The following COL6A1 variants were observed in gnomAD, a reference collection of about 807,000 sequenced individuals.
COL6A1 encodes collagen type VI alpha 1 chain.
COL6A1 carries 80 observed loss-of-function variants against 145.6 expected under a neutral mutation model. That is an observed-to-expected ratio of 0.55 (90% CI 0.46 to 0.66). The LOEUF (loss-of-function observed/expected upper bound fraction) is 0.66. COL6A1 is among the 30% of genes least tolerant of loss of function. The probability of loss-of-function intolerance (pLI) is 0.00; values close to 1 mark genes in which losing one functional copy is unlikely to be tolerated. For missense variants in COL6A1, 1,364 were observed against 1,473.8 expected, an observed-to-expected ratio of 0.93 and a Z score of 1.22; for synonymous variants, 638 against 622.8, an observed-to-expected ratio of 1.02 and a Z score of -0.36.
chr21:45,982,094 A>C, intron 1 of COL6A1, 147 bp downstream of exon 1: 1 of 722,818 alleles, frequency 1.4e-6, no homozygotes, highest in South Asian at 1.7e-5. Context: ...GGGCGGCTGC[A>C]GCGCCCAGCT....
chr21:45,999,327 A>T, intron 26 of COL6A1, 109 bp downstream of exon 26: 1 of 1,131,460 alleles, frequency 8.8e-7, no homozygotes, highest in Non-Finnish European at 1.3e-6. Context: ...GGCGGGAGGG[A>T]ATTTTGGGGA....
rs143502850 is a variant in COL6A1, at chr21:45,982,706, C to A, written c.170C>A (p.Ala57Asp). The A allele has an allele frequency of 1.6e-3, 2,519 of 1,612,824 alleles. 5 individuals are homozygous for A. Among genetic ancestry groups the A allele is most frequent in the Non-Finnish European group, 2.0e-3 (2,336 of 1,179,964 alleles). Reference protein sequence around the residue: ...SVALRLKPYGALVDKVKSFTK... With the variant: ...SVALRLKPYGDLVDKVKSFTK... ...GCCCTGAGGCTGAAGCCCTACGGGG[C>A]CCTCGTGGACAAAGTCAAGTCCTTC... The change falls in exon 2 of 35, where the codon GCC becomes GAC. Residue 57 changes from alanine to aspartate, a missense_variant. Ala to Asp is a moderately radical substitution (Grantham distance 126). This residue lies in a region of COL6A1 where 414 missense variants were observed against 437.6 expected (regional missense o/e 0.95). Coordinates refer to ENST00000361866, the MANE Select transcript of COL6A1 (RefSeq NM_001848.3).
At chr21:45,990,953 G>C in intron 14 of COL6A1, 26 bp from the exon 15 acceptor site, 1 of 1,613,280 alleles carries the variant, frequency 6.2e-7, no homozygotes, top group Non-Finnish European at 8.5e-7. Flanking sequence ...TCTGCCGGTG[G>C]TGTCATGCTG....
chr21:45,982,893 G>A (rs1414505994), intron 2 of COL6A1, 130 bp downstream of exon 2: 3 of 1,324,020 alleles, frequency 2.3e-6, no homozygotes, highest in Non-Finnish European at 3.2e-6. Context: ...CCTGACCGGG[G>A]CCCCTCCCGG....
rs957030836 is a variant in COL6A1 at position 46,003,032 on chromosome 21, G to C, written c.2435-88G>C. On this transcript the variant is annotated intron_variant, in intron 33 of 34. Transcript: ENST00000361866. ...GACTTCCGGGGGCACGGCCACCCCT[G>C]TGCTCGGCCGGGAGGTCCTGTGACA... is the stretch of plus-strand genomic sequence containing the variant. The C allele has an allele frequency of 3.1e-6, 5 of 1,594,224 alleles. No individual in the cohort carries two copies. The African/African-American group carries it at 6.7e-5, about 21-fold the overall frequency.
At chr21:45,999,476 G>A in intron 26 of COL6A1, 181 bp from the exon 27 acceptor site, 1 of 784,836 alleles carries the variant, frequency 1.3e-6, no homozygotes. Context: ...TGGACCACCA[G>A]TGTGCGAAGC....
In COL6A1 at chr21:46,001,305, C is replaced by A. The variant is rs867947324; in HGVS notation, c.1875C>A (p.Ser625Arg). 1 of 1,612,618 alleles carries A rather than the reference C, an allele frequency of 6.2e-7. No homozygotes were observed. The highest frequency in any genetic ancestry group is 8.5e-7 in the Non-Finnish European group (1 of 1,179,892). Residue 625 changes from serine (S) to arginine (R), a missense_variant, in exon 30 of 35, where the codon AGC becomes AGA. Coordinates refer to ENST00000361866, the MANE Select transcript of COL6A1 (RefSeq NM_001848.3). ...DLLFVLDSSE[S>R]IGLQNFEIAK... ...TGTTCGTGCTGGACAGCTCAGAGAG[C>A]ATTGGCCTGCAGAACTTCGAGATTG...
Position 45,984,405 on chromosome 21 carries a change from T to A in COL6A1, c.364T>A (p.Tyr122Asn). The A allele has an allele frequency of 6.2e-7, 1 of 1,612,620 alleles. No homozygotes were observed. Among genetic ancestry groups the A allele is most frequent in the Non-Finnish European group, 8.5e-7 (1 of 1,179,952 alleles). The stretch of plus-strand genomic sequence containing the variant: ...CAAAAGCAGCGTGGACGCGGTCAAG[T>A]ACTTTGGGAAGGGCACCTACACCGA... ...ALKSSVDAVK[Y>N]FGKGTYTDCA... Residue 122 changes from tyrosine to asparagine, a missense_variant, in exon 3 of 35, where the codon TAC becomes AAC. Physicochemically the swap from Tyr to Asn is moderately radical, Grantham distance 143. Transcript: ENST00000361866.
At chr21:45,989,968 G>A (rs552124936) in intron 11 of COL6A1, among the ~76,000 whole-genome samples, 190 bp downstream of exon 11, 6 of 152,216 alleles carry the variant, frequency 3.9e-5, no homozygotes, top group African/African-American at 9.6e-5. Context: ...CAGCAAAGGC[G>A]CCTGTGTCAC....
At chr21:45,982,441 G>A (rs1404763705) in intron 1 of COL6A1, among the ~76,000 whole-genome samples, 193 bp from the exon 2 acceptor site, 1 of 152,210 alleles carries the variant, frequency 6.6e-6, no homozygotes, top group Non-Finnish European at 1.5e-5. Context: ...GCACAGGAGC[G>A]GTTTGGGGTC....
rs1603590006 is a variant in COL6A1 at position 45,986,809 on chromosome 21, G to T, written c.588+124G>T. ...GTGGGTTCTCCAGCCGGCCACCCTT[G>T]CCCCTGAGAGGCCAGCCCCTCCTGC... On this transcript the variant is annotated intron_variant, in intron 4 of 34. Transcript: ENST00000361866. 2.6e-6 allele frequency: 4 copies of T among 1,515,700 alleles called. No homozygotes were observed. The Admixed American group carries it at 5.9e-5, about 22-fold the overall frequency. The allele number at this position is 1,515,700 out of a possible 1,614,324, so 93.9% of individuals were successfully genotyped here.
At chr21:45,999,413 G>A (rs895011855) in intron 26 of COL6A1, 195 bp downstream of exon 26, 15 of 740,330 alleles carry the variant, frequency 2.0e-5, no homozygotes, top group African/African-American at 6.9e-5. Context: ...CAGCAGAGCC[G>A]AGCCCAGGGA....
At chr21:45,992,476 C>T in intron 18 of COL6A1, 78 bp downstream of exon 18, 1 of 1,521,216 alleles carries the variant, frequency 6.6e-7, no homozygotes. Flanking sequence ...CCAGTCTGGC[C>T]CTCCCAGCAC....
rs748810004 is a variant in COL6A1, at chr21:45,984,276, C to A, written c.235C>A (p.Arg79Ser). ...CGTGCCTGTTCCTGGCAGGTACTAC[C>A]GCTGTGACCGAAACCTGGTGTGGAA... Reference protein sequence around the residue: ...FIDNLRDRYYRCDRNLVWNAG... With the variant: ...FIDNLRDRYYSCDRNLVWNAG... Residue 79 changes from arginine to serine, a missense_variant, in exon 3 of 35, where the codon CGC becomes AGC. This residue lies in a region of COL6A1 where 414 missense variants were observed against 437.6 expected (regional missense o/e 0.95). Transcript: ENST00000361866. 1.2e-6 allele frequency: 2 copies of A among 1,606,828 alleles called. No homozygotes were observed. Among genetic ancestry groups the A allele is most frequent in the Non-Finnish European group, 1.7e-6 (2 of 1,177,322 alleles).
Position 45,989,146 on chromosome 21 carries a change from C to G in COL6A1, c.858+9C>G. On this transcript the variant is annotated intron_variant, in intron 9 of 34. Transcript: ENST00000361866. ...GAGAAGCCGGAGATCCTGTGAGTGC[C>G]TGACTGTGGGGTGGGGGCCCTAAGA... 6.3e-7 allele frequency: 1 copy of G among 1,597,634 alleles called. No homozygotes were observed. The highest frequency in any genetic ancestry group is 8.5e-7 in the Non-Finnish European group (1 of 1,173,982).
At position 45,989,325 on chromosome 21, in the gene COL6A1, G is replaced by C. The variant is rs2277813; in HGVS notation, c.858+188G>C. On this transcript the variant is annotated intron_variant, in intron 9 of 34. Transcript: ENST00000361866. ...TTCCACACAGCCCCCCAGGCAGCCCGTAAGCCCCCCTGCCAGGGAGGGGCT... is the reference window on the plus strand; with the variant it reads ...TTCCACACAGCCCCCCAGGCAGCCCCTAAGCCCCCCTGCCAGGGAGGGGCT... Among the ~76,000 whole-genome samples, 104,163 of 152,194 alleles carry C rather than the reference G, an allele frequency of 0.68. 35,859 individuals are homozygous for C. Among genetic ancestry groups the C allele is most frequent in the East Asian group, 0.8 (4,133 of 5,170 alleles).
At chr21:46,001,167 C>A in intron 29 of COL6A1, 86 bp from the exon 30 acceptor site, 1 of 1,552,346 alleles carries the variant, frequency 6.4e-7, no homozygotes, top group Non-Finnish European at 8.7e-7. Context: ...GATGTGGCAG[C>A]CAAGGAGGGG....
chr21:46,001,628 C>T lies in COL6A1; in HGVS notation c.1956+242C>T, dbSNP rs561309172. Among the ~76,000 whole-genome samples the T allele has an allele frequency of 1.6e-4, 25 of 152,302 alleles. No individual in the cohort carries two copies. In the East Asian group the frequency reaches 3.5e-3, roughly 21 times the overall value. On this transcript the variant is annotated intron_variant, in intron 30 of 34. Coordinates refer to ENST00000361866, the MANE Select transcript of COL6A1 (RefSeq NM_001848.3). ...AGGGTCTCCCCCTCTCCTTGAAGGG[C>T]GGTAGTCTGGGGTCCTGAGTGCTGG...
intron 9 of COL6A1, among the ~76,000 whole-genome samples, chr21:45,989,374 C>T (rs895384843): frequency 6.6e-6 from 1 of 152,164 alleles, no homozygotes; most frequent in African/African-American, 2.4e-5. Context: ...GCCCAGGGTG[C>T]TCAGGCCGGC....
Sources: gnomAD v4.1 joint callset for allele counts (sites outside exome capture counted in the v4.1 genomes callset) on GRCh38, gnomAD v4.1.1 for gene constraint, gnomAD v4.1.1 regional missense constraint, MANE v1.5 for transcripts, NCBI Gene and HGNC (gene_info 2026-07-23, HGNC 2026-07-21) for gene names.